Variants in GDF10 observed in about 807,000 individuals in gnomAD.
GDF10 encodes growth/differentiation factor 10.
In GDF10, 23 loss-of-function variants were observed where a neutral mutation model predicts 32.1. That is an observed-to-expected ratio of 0.72 (90% confidence interval 0.52 to 1.02). The LOEUF (loss-of-function observed/expected upper bound fraction) is 1.02, where lower values mean the gene tolerates loss of function less well. Among genes scored for constraint, GDF10 ranks in the 50% least tolerant of loss-of-function variants. GDF10 has a pLI of 0.00. For missense variants in GDF10, 764 were observed against 673.9 expected (o/e 1.13, Z -1.48); for synonymous variants, 328 against 303.1 (o/e 1.08, Z -0.85).
At chr10:47,305,259 G>A (rs535492179) in intron 1 of GDF10, among the ~76,000 whole-genome samples, 1 of 152,318 alleles carries the variant, frequency 6.6e-6, no homozygotes, top group East Asian at 1.9e-4. Flanking sequence ...CTGAGCCCTT[G>A]CTGGGTGCCA....
intron 1 of GDF10, among the ~76,000 whole-genome samples, chr10:47,308,205 C>CA (rs1381933709): frequency 1.3e-5 from 2 of 152,176 alleles, no homozygotes; most frequent in Non-Finnish European, 2.9e-5. Context: ...CCCTGATGGC[C>CA]AGAGTCCCCT....
Position 47,310,694 on chromosome 10 carries a change from G to C in GDF10, c.1218G>C (p.Ala406=). 6.2e-7 allele frequency: 1 copy of C among 1,613,314 alleles called. No individual in the cohort carries two copies. The highest frequency in any genetic ancestry group is 8.5e-7 in the Non-Finnish European group (1 of 1,179,270). The change falls in exon 2 of 3, where the codon GCG becomes GCC. Residue 406 remains alanine, a synonymous_variant. Coordinates refer to ENST00000580279, the MANE Select transcript of GDF10 (RefSeq NM_004962.5). ...AATCTTTTGATGCCTACTACTGCGCGGGAGCATGTGAGTTCCCCATGCCTA... is the reference window on the plus strand; with the variant it reads ...AATCTTTTGATGCCTACTACTGCGCCGGAGCATGTGAGTTCCCCATGCCTA... The part of the protein sequence containing the change: ...SPKSFDAYYC[A]GACEFPMPKI...
At chr10:47,304,479 G>A (rs1161819580) in intron 1 of GDF10, among the ~76,000 whole-genome samples, 1 of 151,982 alleles carries the variant, frequency 6.6e-6, no homozygotes, top group African/African-American at 2.4e-5. Flanking sequence ...CATGCTTATT[G>A]GGGAAAACCT....
chr10:47,311,303 C>G (rs1384735853), intron 2 of GDF10, among the ~76,000 whole-genome samples: 1 of 152,242 alleles, frequency 6.6e-6, no homozygotes, highest in Non-Finnish European at 1.5e-5. Flanking sequence ...TTGCACCAGC[C>G]TAAGGATTTC....
chr10:47,310,643 C>T lies in GDF10; in HGVS notation c.1167C>T (p.Gly389=). ...RYLKVDFADI[G]WNEWIISPKS... ...TGAAGGTGGACTTCGCAGACATCGGCTGGAATGAATGGATAATCTCACCGA... is the reference window on the plus strand; with the variant it reads ...TGAAGGTGGACTTCGCAGACATCGGTTGGAATGAATGGATAATCTCACCGA... Residue 389 remains glycine (G), a synonymous_variant, in exon 2 of 3, where the codon GGC becomes GGT. Coordinates refer to ENST00000580279, the MANE Select transcript of GDF10 (RefSeq NM_004962.5). 6.2e-7 allele frequency: 1 copy of T among 1,614,072 alleles called. No individual in the cohort carries two copies. The highest frequency in any genetic ancestry group is 8.5e-7 in the Non-Finnish European group (1 of 1,179,900).
Position 47,309,338 on chromosome 10 carries a change from G to A in GDF10, c.320-458G>A, listed in dbSNP as rs1419533932. 2.0e-5 allele frequency among the ~76,000 whole-genome samples: 3 copies of A among 152,202 alleles called. No individual in the cohort carries two copies. The East Asian group carries it at 5.8e-4, about 29-fold the overall frequency. ...CATTTAAAAACTGATTGCATAAATA[G>A]AGGGCTGTGCAAATACAGGAGGGGC... is the stretch of plus-strand genomic sequence containing the variant. On this transcript the variant is annotated intron_variant, in intron 1 of 2. Coordinates refer to ENST00000580279, the MANE Select transcript of GDF10 (RefSeq NM_004962.5).
rs2060998569 is a variant in GDF10 at position 47,300,344 on chromosome 10, T to C, written c.-308T>C. On this transcript the variant is annotated 5_prime_UTR_variant, in exon 1 of 3. Coordinates refer to ENST00000580279, the MANE Select transcript of GDF10 (RefSeq NM_004962.5). The stretch of plus-strand genomic sequence containing the variant: ...CGAAGCAGCCGGGCCGGGCGCGCAG[T>C]GGGCTACAAACTTTCGCGGCGCGAG... 1 of 278,818 alleles carries C rather than the reference T, an allele frequency of 3.6e-6. No homozygotes were observed. The highest frequency in any genetic ancestry group is 5.3e-5 in the Admixed American group (1 of 18,820). 17.3% of individuals were successfully genotyped at this position (278,818 alleles called of 1,614,324 possible).
Position 47,312,804 on chromosome 10 carries a change from G to A in GDF10, c.*12G>A, listed in dbSNP as rs1246837032. ...GTGCCTGCCGGTGAGACCACTCCAG[G>A]GTGGAAAGAAGCCACGCCCAGCAGA... On this transcript the variant is annotated 3_prime_UTR_variant, in exon 3 of 3. Coordinates refer to ENST00000580279, the MANE Select transcript of GDF10 (RefSeq NM_004962.5). 2.1e-5 allele frequency: 32 copies of A among 1,524,514 alleles called. No individual in the cohort carries two copies. The highest frequency in any genetic ancestry group is 2.8e-5 in the Non-Finnish European group (32 of 1,131,912). The allele number at this position is 1,524,514 out of a possible 1,614,324, so 94.4% of individuals were successfully genotyped here. A position where few individuals can be genotyped will look rare whatever the true frequency, so the allele number is the denominator to read the frequency against.
chr10:47,309,725 A>G, intron 1 of GDF10, 71 bp from the exon 2 acceptor site: 1 of 1,010,170 alleles, frequency 9.9e-7, no homozygotes, highest in Non-Finnish European at 1.5e-6. Context: ...TTGCTCCTCC[A>G]GCCCTGGGTG....
At chr10:47,307,254 G>A (rs1174566716) in intron 1 of GDF10, among the ~76,000 whole-genome samples, 1 of 151,882 alleles carries the variant, frequency 6.6e-6, no homozygotes, top group African/African-American at 2.4e-5. Flanking sequence ...GAGAAGAAGA[G>A]GAAGAAAGAA....
intron 1 of GDF10, among the ~76,000 whole-genome samples, chr10:47,308,641 C>A (rs2061031725): frequency 1.3e-5 from 2 of 152,128 alleles, no homozygotes; most frequent in African/African-American, 4.8e-5. Context: ...CCAGTGTCCC[C>A]CACACACACT....
At chr10:47,301,342 A>G (rs1394244637) in intron 1 of GDF10, among the ~76,000 whole-genome samples, 2 of 152,258 alleles carry the variant, frequency 1.3e-5, no homozygotes, top group Non-Finnish European at 1.5e-5. Context: ...GCCAGTGAAC[A>G]TAGGCAGCCC....
chr10:47,306,659 G>C (rs527355699), intron 1 of GDF10, among the ~76,000 whole-genome samples: 48 of 152,324 alleles, frequency 3.2e-4, no homozygotes, highest in Admixed American at 1.2e-3. Context: ...GGCCAATGAA[G>C]CAGGGGCAGA....
rs782556399 is a variant in GDF10, at chr10:47,309,782, T to G, written c.320-14T>G. The G allele has an allele frequency of 6.3e-7, 1 of 1,581,396 alleles. No individual in the cohort carries two copies. Among genetic ancestry groups the G allele is most frequent in the Non-Finnish European group, 8.7e-7 (1 of 1,154,380 alleles). On this transcript the variant is annotated splice_polypyrimidine_tract_variant and intron_variant, in intron 1 of 2. Coordinates refer to ENST00000580279, the MANE Select transcript of GDF10 (RefSeq NM_004962.5). ...CGAGAACTTCACAGCCTGTGGTCTC[T>G]CCTTCCCTCACAGAAGTGGTCGACC...
chr10:47,303,354 G>A (rs2061011100), intron 1 of GDF10, among the ~76,000 whole-genome samples: 1 of 152,224 alleles, frequency 6.6e-6, no homozygotes, highest in Non-Finnish European at 1.5e-5. Flanking sequence ...CCGCCACCGG[G>A]CAGTGCAGCT....
At chr10:47,307,369 G>C (rs1375065778) in intron 1 of GDF10, among the ~76,000 whole-genome samples, 5 of 152,206 alleles carry the variant, frequency 3.3e-5, no homozygotes, top group African/African-American at 1.2e-4. Flanking sequence ...CAGAGCACCA[G>C]CACGCATCAG....
intron 1 of GDF10, among the ~76,000 whole-genome samples, chr10:47,304,331 G>C (rs1555207043): frequency 6.6e-6 from 1 of 151,934 alleles, no homozygotes; most frequent in Admixed American, 6.6e-5. Flanking sequence ...GCATGCGTAA[G>C]GGACAGAAGG....
intron 1 of GDF10, among the ~76,000 whole-genome samples, chr10:47,301,258 A>T (rs1180535796): frequency 6.6e-6 from 1 of 152,240 alleles, no homozygotes; most frequent in Non-Finnish European, 1.5e-5. Context: ...AGAGTGGAAG[A>T]GGGGACATAG....
At chr10:47,304,303 T>C (rs1317123407) in intron 1 of GDF10, among the ~76,000 whole-genome samples, 2 of 149,602 alleles carry the variant, frequency 1.3e-5, no homozygotes, top group East Asian at 4.1e-4. Context: ...CCATAGGCAA[T>C]GGGGCAATAT....
Sources: allele counts gnomAD v4.1 joint callset (sites outside exome capture counted in the v4.1 genomes callset), GRCh38; gene constraint gnomAD v4.1.1; transcripts MANE v1.5; gene names NCBI Gene and HGNC (gene_info 2026-07-23, HGNC 2026-07-21).